IFI16: variants seen among roughly 807,000 people sequenced by gnomAD.
IFI16 encodes the protein interferon gamma inducible protein 16.
IFI16 carries 49 observed loss-of-function variants against 68.4 expected under a neutral mutation model. That is an observed-to-expected ratio of 0.72 (90% confidence interval 0.57 to 0.91). The LOEUF is 0.91. IFI16 is among the 40% of genes least tolerant of loss of function. The probability of loss-of-function intolerance (pLI) is 0.00; values close to 1 mark genes in which losing one functional copy is unlikely to be tolerated. For synonymous variants in IFI16, 307 were observed against 315.0 expected, an observed-to-expected ratio of 0.97 and a Z score of 0.27; for missense variants, 878 against 942.9, an observed-to-expected ratio of 0.93 and a Z score of 0.90.
chr1:159,032,161 A>G (rs1250115803), intron 6 of IFI16, among the ~76,000 whole-genome samples: 1 of 152,238 alleles, frequency 6.6e-6, no homozygotes, highest in East Asian at 1.9e-4. Context: ...AAAATGTGAA[A>G]CAGCATAGTG....
intron 7 of IFI16, among the ~76,000 whole-genome samples, chr1:159,043,929 GA>G (rs1654820201): frequency 6.6e-6 from 1 of 152,232 alleles, no homozygotes; most frequent in African/African-American, 2.4e-5. Flanking sequence ...GATCTGAAGA[GA>G]GGGGCTTCTC....
chr1:159,032,468 G>C (rs1276028234), intron 6 of IFI16, 56 bp from the exon 7 acceptor site: 1 of 1,068,404 alleles, frequency 9.4e-7, no homozygotes, highest in East Asian at 2.7e-5. Context: ...CAAATGAAAA[G>C]ATGTTGTGCT....
intron 7 of IFI16, among the ~76,000 whole-genome samples, chr1:159,042,995 T>C (rs1247963483): frequency 6.6e-6 from 1 of 152,168 alleles, no homozygotes; most frequent in Non-Finnish European, 1.5e-5. Context: ...TTCTCCAATA[T>C]CATTTCTCAC....
At chr1:159,007,679 C>T (rs1358251947), upstream of IFI16, among the ~76,000 whole-genome samples, 3 of 152,058 alleles carry the variant, frequency 2.0e-5, no homozygotes, top group African/African-American at 7.2e-5. Flanking sequence ...GTGATTAGCA[C>T]CCTTATAAGA....
chr1:159,013,162 C>CTTTT (rs59743054), intron 1 of IFI16, among the ~76,000 whole-genome samples: 2 of 54,646 alleles, frequency 3.7e-5, no homozygotes, highest in African/African-American at 1.3e-4. Context: ...AAGAAGGAAG[C>CTTTT]TTTTTTTTTT....
rs143552758 is a variant in IFI16, at chr1:159,029,063, C to T, written c.1162-3461C>T. ...GCCTAAATACCTTACTTTTTTATTA[C>T]TGTGTTATTGTTTTATAAGTCCTAT... On this transcript the variant is annotated intron_variant, in intron 6 of 11. Coordinates refer to ENST00000295809, the MANE Select transcript of IFI16 (RefSeq NM_001376587.1). Among the ~76,000 whole-genome samples the T allele has an allele frequency of 1.9e-3, 282 of 152,114 alleles. 2 individuals are homozygous for T. The highest frequency in any genetic ancestry group is 5.9e-3 in the African/African-American group (245 of 41,504).
rs1421635373 is a variant in IFI16 at position 159,032,565 on chromosome 1, C to T, written c.1203C>T (p.Ser401=). The change falls in exon 7 of 12, where the codon AGC becomes AGT. Residue 401 remains serine (S), a synonymous_variant. Transcript: ENST00000295809. ...ACCCGAGAAACAATGACCCCAAGAG[C>T]ATGAAGCTACCCCAGGAACAGCGTC... The part of the protein sequence containing the change: ...KTNPRNNDPK[S]MKLPQEQRQL... 1.9e-6 allele frequency: 3 copies of T among 1,610,150 alleles called. No homozygotes were observed. The highest frequency in any genetic ancestry group is 2.2e-5 in the South Asian group (2 of 90,732).
At chr1:159,006,328 C>G (rs1468863320), upstream of IFI16, among the ~76,000 whole-genome samples, 1 of 152,118 alleles carries the variant, frequency 6.6e-6, no homozygotes, top group Non-Finnish European at 1.5e-5. Context: ...CAAAAACATG[C>G]CTTAAAAGAC....
chr1:159,053,601 G>A lies in IFI16; in HGVS notation c.2154G>A (p.Val718=), dbSNP rs1342241016. Residue 718 remains valine, a synonymous_variant, in exon 11 of 12, where the codon GTG becomes GTA. Coordinates refer to ENST00000295809, the MANE Select transcript of IFI16 (RefSeq NM_001376587.1). ...QDNTGKMEVV[V]HGRLTTINCE... ...ATACAGGGAAGATGGAAGTGGTGGT[G>A]CATGGACGACTGACCACAATCAACT... 6.2e-7 allele frequency: 1 copy of A among 1,613,288 alleles called. No individual in the cohort carries two copies. Among genetic ancestry groups the A allele is most frequent in the Non-Finnish European group, 8.5e-7 (1 of 1,179,362 alleles).
intron 6 of IFI16, among the ~76,000 whole-genome samples, chr1:159,022,569 T>C (rs939583848): frequency 6.6e-6 from 1 of 152,048 alleles, no homozygotes; most frequent in Non-Finnish European, 1.5e-5. Context: ...GGCAAAGGCA[T>C]AGGAGAACAA....
chr1:159,026,002 G>A (rs1053848010), intron 6 of IFI16, among the ~76,000 whole-genome samples: 2 of 152,152 alleles, frequency 1.3e-5, no homozygotes, highest in South Asian at 4.2e-4. Context: ...TTTATTTTTG[G>A]GTTCTCTATT....
At chr1:159,029,073 G>A (rs1226923013) in intron 6 of IFI16, among the ~76,000 whole-genome samples, 2 of 152,076 alleles carry the variant, frequency 1.3e-5, no homozygotes, top group African/African-American at 2.4e-5. Context: ...CTGTGTTATT[G>A]TTTTATAAGT....
rs1371538898 is a variant in IFI16, at chr1:159,053,682, G to C, written c.2235G>C (p.Gly745=). The part of the protein sequence containing the change: ...LTCFELAPKS[G]NTGELRSVIH... The stretch of plus-strand genomic sequence containing the variant: ...GCTTTGAATTGGCACCGAAAAGTGG[G>C]AATACCGGGGAGTTGAGATCTGTAA... Residue 745 remains glycine, a synonymous_variant, in exon 11 of 12, where the codon GGG becomes GGC. Transcript: ENST00000295809. 2 of 1,613,948 alleles carry C rather than the reference G, an allele frequency of 1.2e-6. No homozygotes were observed. Among genetic ancestry groups the C allele is most frequent in the South Asian group, 2.2e-5 (2 of 91,074 alleles).
chr1:159,025,342 C>T (rs1653596064), intron 6 of IFI16, among the ~76,000 whole-genome samples: 1 of 152,004 alleles, frequency 6.6e-6, no homozygotes, highest in African/African-American at 2.4e-5. Context: ...AAAAAATAAA[C>T]ACCATTTTAT....
At chr1:159,042,637 C>A (rs1339197975) in intron 7 of IFI16, among the ~76,000 whole-genome samples, 1 of 152,196 alleles carries the variant, frequency 6.6e-6, no homozygotes, top group Admixed American at 6.5e-5. Context: ...CAGAATAGAT[C>A]ATATTTTCTC....
chr1:159,034,315 G>GA (rs1388419853), intron 7 of IFI16, among the ~76,000 whole-genome samples: 8 of 152,132 alleles, frequency 5.3e-5, no homozygotes, highest in Non-Finnish European at 1.2e-4. Context: ...TATTCATTGA[G>GA]ACCCTACTAG....
chr1:159,052,569 AT>A (rs1655430928), intron 10 of IFI16: 4 of 156,554 alleles, frequency 2.6e-5, no homozygotes, highest in Non-Finnish European at 5.7e-5. Context: ...GAATGCAGCT[AT>A]GTCTAACAGT....
chr1:159,038,268 A>G (rs1372474220), intron 7 of IFI16, among the ~76,000 whole-genome samples: 1 of 152,192 alleles, frequency 6.6e-6, no homozygotes, highest in Non-Finnish European at 1.5e-5. Flanking sequence ...AATAAGGTGC[A>G]TAACGGGCCT....
chr1:159,048,316 C>A (rs1171026323), intron 8 of IFI16, among the ~76,000 whole-genome samples: 45 of 151,424 alleles, frequency 3.0e-4, no homozygotes, highest in East Asian at 7.7e-4. Context: ...TAACACCATA[C>A]AAAAATGCTA....
Sources: gnomAD v4.1 joint callset for allele counts (sites outside exome capture counted in the v4.1 genomes callset) on GRCh38, gnomAD v4.1.1 for gene constraint, MANE v1.5 for transcripts, NCBI Gene and HGNC (gene_info 2026-07-23, HGNC 2026-07-21) for gene names.